The following MYOF variants were observed in gnomAD, a reference collection of about 807,000 sequenced individuals.
MYOF encodes the protein fer-1-like 3, myoferlin.
A neutral mutation model predicts 284.2 loss-of-function variants in MYOF; 244 were observed. That is an observed-to-expected ratio of 0.86 (90% CI 0.77 to 0.95). MYOF has a LOEUF of 0.95. Among genes scored for constraint, MYOF ranks in the 40% least tolerant of loss-of-function variants. The pLI, the probability that MYOF is intolerant of heterozygous loss-of-function variation, is 0.00. For missense variants in MYOF, 2,496 were observed against 2,560.6 expected, an observed-to-expected ratio of 0.97 and a Z score of 0.54; for synonymous variants, 904 against 919.7, an observed-to-expected ratio of 0.98 and a Z score of 0.31.
chr10:93,329,776 C>A lies in MYOF; in HGVS notation c.4870G>T (p.Asp1624Tyr), dbSNP rs780712576. Residue 1624 changes from aspartate (D) to tyrosine (Y), a missense_variant, in exon 44 of 54, where the codon GAT (aspartate) becomes TAT (tyrosine). Asp to Tyr is a radical substitution (Grantham distance 160, BLOSUM62 -3). This residue lies in a region of MYOF where 2,436 missense variants were observed against 2,480.7 expected (regional missense o/e 0.98). Coordinates refer to ENST00000359263, the MANE Select transcript of MYOF (RefSeq NM_013451.4). The stretch of plus-strand genomic sequence containing the variant: ...TCATCCCGGGTAAAGGTGTCATAAT[C>A]ATAGACAGAAATTTTCAGGTCTTTT... Reference protein sequence around the residue: ...QEKDLKISVYDYDTFTRDEKV... With the variant: ...QEKDLKISVYYYDTFTRDEKV... 1.2e-6 allele frequency: 2 copies of A among 1,614,102 alleles called. No individual in the cohort carries two copies. Among genetic ancestry groups the A allele is most frequent in the East Asian group, 4.5e-5 (2 of 44,898 alleles).
chr10:93,374,851 A>G lies in MYOF; in HGVS notation c.2213T>C (p.Val738Ala), dbSNP rs1427595385. ...RSLSQIHEAA[V>A]RMRSEATDVK... ...ATCTGTGGCTTCCGACCTCATCCTCACAGCCGCCTCATGTATTTGGGAGAG... is the reference window on the plus strand; with the variant it reads ...ATCTGTGGCTTCCGACCTCATCCTCGCAGCCGCCTCATGTATTTGGGAGAG... Residue 738 changes from valine to alanine, a missense_variant, in exon 23 of 54, where the codon GTG becomes GCG. Coordinates refer to ENST00000359263, the MANE Select transcript of MYOF (RefSeq NM_013451.4). 1 of 1,614,094 alleles carries G rather than the reference A, an allele frequency of 6.2e-7. No individual in the cohort carries two copies.
intron 49 of MYOF, among the ~76,000 whole-genome samples, chr10:93,319,338 G>C (rs1389328452): frequency 1.3e-5 from 2 of 152,172 alleles, no homozygotes; most frequent in Non-Finnish European, 2.9e-5. Context: ...GGACTTTTTG[G>C]TAATGTGAAC....
Position 93,323,178 on chromosome 10 carries a change from A to C in MYOF, c.5361-5T>G. On this transcript the variant is annotated splice_region_variant and splice_polypyrimidine_tract_variant and intron_variant, in intron 47 of 53. Transcript: ENST00000359263. ...ATGATCACACGCAGGTAGTATCTGC[A>C]AGAAGCACAGTTGGAAGGTACTTTT... 5 of 1,614,080 alleles carry C rather than the reference A, an allele frequency of 3.1e-6. No individual in the cohort carries two copies. Among genetic ancestry groups the C allele is most frequent in the Non-Finnish European group, 4.2e-6 (5 of 1,179,904 alleles).
At chr10:93,446,931 G>A (rs788100) in intron 3 of MYOF, among the ~76,000 whole-genome samples, 101,034 of 151,808 alleles carry the variant, frequency 0.67, 35,077 homozygotes, top group East Asian at 0.77. Flanking sequence ...TGACCAGGCT[G>A]TTCTCGAACT....
chr10:93,349,942 T>C lies in MYOF; in HGVS notation c.3949A>G (p.Lys1317Glu), dbSNP rs956351575. The change falls in exon 36 of 54, where the codon AAA becomes GAA. Residue 1317 changes from lysine (K) to glutamate (E), a missense_variant. Physicochemically the swap from Lys to Glu is moderately conservative, Grantham distance 56. Around this residue, in one of 3 missense-constraint regions of MYOF, gnomAD observed 2,436 missense variants for 2,480.7 expected, o/e 0.98. Coordinates refer to ENST00000359263, the MANE Select transcript of MYOF (RefSeq NM_013451.4). Reference sequence around the variant, plus strand: ...GTGATAGAAGCCATCTGGAAGTTTTTCATATTTCTTAAGCCCCAAGCTAGA... The same window carrying C: ...GTGATAGAAGCCATCTGGAAGTTTTCCATATTTCTTAAGCCCCAAGCTAGA... Reference protein sequence around the residue: ...EILAWGLRNMKNFQMASITSP... With the variant: ...EILAWGLRNMENFQMASITSP... 5 of 1,614,146 alleles carry C rather than the reference T, an allele frequency of 3.1e-6. No individual in the cohort carries two copies. Among genetic ancestry groups the C allele is most frequent in the African/African-American group, 1.3e-5 (1 of 75,046 alleles).
chr10:93,423,147 C>T (rs1848426284), intron 5 of MYOF, among the ~76,000 whole-genome samples: 1 of 152,130 alleles, frequency 6.6e-6, no homozygotes, highest in Admixed American at 6.5e-5. Context: ...TTAGGACTCA[C>T]CCTAATCCAC....
intron 39 of MYOF, among the ~76,000 whole-genome samples, chr10:93,339,367 T>TTG (rs35070199): frequency 0.028 from 4,265 of 150,266 alleles, 112 homozygotes; most frequent in East Asian, 0.08. Flanking sequence ...TGCTTCTTAT[T>TTG]TGTGTGTGTG....
At chr10:93,357,508 G>A (rs1258004394) in intron 29 of MYOF, among the ~76,000 whole-genome samples, 1 of 152,124 alleles carries the variant, frequency 6.6e-6, no homozygotes, top group East Asian at 1.9e-4. Context: ...GAAGAGATAG[G>A]GTCTTTGCTT....
At position 93,409,615 on chromosome 10, in the gene MYOF, C is replaced by G. The variant is rs774846579; in HGVS notation, c.558G>C (p.Lys186Asn). The G allele has an allele frequency of 6.2e-7, 1 of 1,614,076 alleles. No homozygotes were observed. The highest frequency in any genetic ancestry group is 1.7e-5 in the Admixed American group (1 of 60,004). The change falls in exon 6 of 54, where the codon AAG becomes AAC. Residue 186 changes from lysine to asparagine, a missense_variant. Coordinates refer to ENST00000359263, the MANE Select transcript of MYOF (RefSeq NM_013451.4). ...TATTTGACAGCATCCGCCGGCTGTT[C>G]TTTACTTTGGTGAGCCTCCGAGCAA... Reference protein sequence around the residue: ...AQLARRLTKVKNSRRMLSNKP... With the variant: ...AQLARRLTKVNNSRRMLSNKP...
chr10:93,351,042 T>C (rs1487656277), intron 35 of MYOF, among the ~76,000 whole-genome samples, 155 bp downstream of exon 35: 1 of 152,202 alleles, frequency 6.6e-6, no homozygotes, highest in Non-Finnish European at 1.5e-5. Flanking sequence ...ACAAGCCTTC[T>C]ACTCCCATGA....
At chr10:93,452,365 C>T (rs2134306764) in intron 2 of MYOF, among the ~76,000 whole-genome samples, 1 of 152,132 alleles carries the variant, frequency 6.6e-6, no homozygotes, top group East Asian at 1.9e-4. Context: ...CTCCTGGCTT[C>T]CTGCTTTCTA....
At position 93,396,186 on chromosome 10, in the gene MYOF, T is replaced by G; in HGVS notation, c.1373A>C (p.Tyr458Ser). ...GGCAGCAATTTTAGAGAGGTGTAGA[T>G]ATGTTGTTCCAACTACATCATTTTT... The part of the protein sequence containing the change: ...LTKNDVVGTT[Y>S]LHLSKIAASG... The change falls in exon 16 of 54, where the codon TAT (tyrosine) becomes TCT (serine). Residue 458 changes from tyrosine to serine, a missense_variant. Tyr to Ser is a moderately radical substitution (Grantham distance 144, BLOSUM62 -2). This residue lies in a region of MYOF where 2,436 missense variants were observed against 2,480.7 expected (regional missense o/e 0.98). Transcript: ENST00000359263. The G allele has an allele frequency of 1.9e-6, 3 of 1,608,506 alleles. No individual in the cohort carries two copies. The Middle Eastern group carries it at 5.0e-4, about 266-fold the overall frequency.
At chr10:93,354,666 ACTCTCTCT>A (rs140255016) in intron 31 of MYOF, among the ~76,000 whole-genome samples, 80 of 119,316 alleles carry the variant, frequency 6.7e-4, no homozygotes, top group Admixed American at 1.8e-3. Flanking sequence ...TCACACATTC[ACTCTCTCT>A]CTCTCTCTCT....
chr10:93,464,371 C>T (rs985795863), intron 1 of MYOF, among the ~76,000 whole-genome samples: 1 of 152,198 alleles, frequency 6.6e-6, no homozygotes, highest in Admixed American at 6.5e-5. Context: ...CATGCACACA[C>T]ATCCCATTGC....
intron 23 of MYOF, 77 bp from the exon 24 acceptor site, chr10:93,373,162 G>C (rs556171469): frequency 3.2e-6 from 5 of 1,542,986 alleles, no homozygotes; most frequent in Admixed American, 3.4e-5. Flanking sequence ...GACCCTGCAG[G>C]CTGGACCCTC....
chr10:93,474,192 G>A (rs1178729828), intron 1 of MYOF, among the ~76,000 whole-genome samples: 1 of 152,124 alleles, frequency 6.6e-6, no homozygotes, highest in Non-Finnish European at 1.5e-5. Flanking sequence ...AGCTCCATCT[G>A]TGCTGAGAAG....
intron 4 of MYOF, 128 bp downstream of exon 4, chr10:93,431,280 G>C (rs1253967624): frequency 1.5e-6 from 1 of 654,412 alleles, no homozygotes; most frequent in East Asian, 3.3e-5. Context: ...CCACCCAAAA[G>C]TGCTGGCCTC....
At chr10:93,456,093 A>T (rs1192859380) in intron 2 of MYOF, among the ~76,000 whole-genome samples, 1 of 152,214 alleles carries the variant, frequency 6.6e-6, no homozygotes, top group East Asian at 1.9e-4. Flanking sequence ...ATACTTTTGA[A>T]TTTTATGCTT....
intron 5 of MYOF, 130 bp from the exon 6 acceptor site, chr10:93,409,869 A>C: frequency 8.8e-7 from 1 of 1,132,308 alleles, no homozygotes; most frequent in South Asian, 1.4e-5. Context: ...GGTGAAGGAG[A>C]TCCTCTTGGT....
Sources: gnomAD v4.1 joint callset for allele counts (sites outside exome capture counted in the v4.1 genomes callset) on GRCh38, gnomAD v4.1.1 for gene constraint, gnomAD v4.1.1 regional missense constraint, MANE v1.5 for transcripts, NCBI Gene and HGNC (gene_info 2026-07-23, HGNC 2026-07-21) for gene names.